Variants in SEC14L1 observed in about 807,000 individuals in gnomAD.
The protein encoded by SEC14L1 is SEC14-like protein 1.
SEC14L1 carries 48 observed loss-of-function variants against 85.3 expected under a neutral mutation model. The observed-to-expected ratio is 0.56, with a 90% confidence interval of 0.45 to 0.72. The LOEUF (loss-of-function observed/expected upper bound fraction) is 0.72. Ranked by LOEUF, SEC14L1 falls within the 30% of genes least tolerant of loss-of-function variation. SEC14L1 has a pLI of 0.00. For missense variants in SEC14L1, 682 were observed against 921.4 expected (o/e 0.74, Z 3.36); for synonymous variants, 391 against 355.5 (o/e 1.10, Z -1.12).
chr17:77,113,083 C>G (rs528447055), intron 3 of SEC14L1, among the ~76,000 whole-genome samples: 2 of 151,894 alleles, frequency 1.3e-5, no homozygotes, highest in South Asian at 4.2e-4. Flanking sequence ...CACTTGAGCC[C>G]AAGAGGTTGA....
chr17:77,140,886 A>AGTT, upstream of SEC14L1: 1 of 117,268 alleles, frequency 8.5e-6, no homozygotes, highest in African/African-American at 3.3e-5. Flanking sequence ...GCGGCCGCGC[A>AGTT]CGCGCGCCCC....
In SEC14L1 at chr17:77,206,455, T is replaced by A; in HGVS notation, c.1341+55T>A. 2 of 1,566,060 alleles carry A rather than the reference T, an allele frequency of 1.3e-6. No homozygotes were observed. Among genetic ancestry groups the A allele is most frequent in the South Asian group, 1.1e-5 (1 of 88,306 alleles). On this transcript the variant is annotated intron_variant, in intron 12 of 16. Coordinates refer to ENST00000436233, the MANE Select transcript of SEC14L1 (RefSeq NM_001143998.2). This position sits in a 1 kb window ranked among gnomAD's most constrained non-coding sequence, Gnocchi z 4.3. ...TGAGCCATTTGGAAAGCAGATAACA[T>A]GCATTCATATACACGTGTCTGTGAC... is the stretch of plus-strand genomic sequence containing the variant.
At chr17:77,108,752 C>T (rs1393456904) in intron 3 of SEC14L1, among the ~76,000 whole-genome samples, 12 of 125,434 alleles carry the variant, frequency 9.6e-5, no homozygotes, top group Non-Finnish European at 4.8e-5. Context: ...AAAAAAGAAA[C>T]AGCTGACATG....
chr17:77,206,598 T>C lies in SEC14L1; in HGVS notation c.1342-130T>C. On this transcript the variant is annotated intron_variant, in intron 12 of 16. Coordinates refer to ENST00000436233, the MANE Select transcript of SEC14L1 (RefSeq NM_001143998.2). This position sits in a 1 kb window ranked among gnomAD's most constrained non-coding sequence, Gnocchi z 4.3. ...GTGTCCTAATGCCATGCAAATAGACTTTACAGAAGAAGTATATAAACTTGA... is the reference window on the plus strand; with the variant it reads ...GTGTCCTAATGCCATGCAAATAGACCTTACAGAAGAAGTATATAAACTTGA... 7 of 1,267,426 alleles carry C rather than the reference T, an allele frequency of 5.5e-6. No individual in the cohort carries two copies. The highest frequency in any genetic ancestry group is 7.7e-6 in the Non-Finnish European group (7 of 912,616). The allele number at this position is 1,267,426 out of a possible 1,614,324, so 78.5% of individuals were successfully genotyped here.
intron 8 of SEC14L1, 41 bp downstream of exon 8, chr17:77,196,352 A>G: frequency 8.5e-7 from 1 of 1,176,380 alleles, no homozygotes; most frequent in Non-Finnish European, 1.2e-6. Context: ...GGCCAGAGCT[A>G]CGTGAAATCA....
chr17:77,136,726 C>G (rs1972810724), upstream of SEC14L1, among the ~76,000 whole-genome samples: 1 of 152,160 alleles, frequency 6.6e-6, no homozygotes, highest in Non-Finnish European at 1.5e-5. Context: ...CTTCTTCACC[C>G]TTTCCTCCGA....
chr17:77,152,410 G>T (rs1186461775), intron 3 of SEC14L1, among the ~76,000 whole-genome samples: 1 of 151,826 alleles, frequency 6.6e-6, no homozygotes, highest in South Asian at 2.1e-4. Context: ...GTGGCAGGCA[G>T]CTGTAATCCC....
At chr17:77,199,911 A>G (rs575071284) in intron 8 of SEC14L1, among the ~76,000 whole-genome samples, 1 of 152,334 alleles carries the variant, frequency 6.6e-6, no homozygotes, top group South Asian at 2.1e-4. Flanking sequence ...GCTCATGCCT[A>G]TAATCCCAAC....
At chr17:77,096,492 G>A (rs988908278) in intron 3 of SEC14L1, among the ~76,000 whole-genome samples, 2 of 151,874 alleles carry the variant, frequency 1.3e-5, no homozygotes, top group African/African-American at 4.8e-5. Flanking sequence ...GGGAGGCAGC[G>A]GTTGCAGTGA....
chr17:77,155,463 G>A (rs545572826), intron 3 of SEC14L1, among the ~76,000 whole-genome samples: 1 of 152,282 alleles, frequency 6.6e-6, no homozygotes, highest in East Asian at 1.9e-4. Flanking sequence ...GGCATCCCTG[G>A]CAGCCTTCCT....
intron 3 of SEC14L1, among the ~76,000 whole-genome samples, chr17:77,134,106 A>G (rs1283927570): frequency 1.3e-5 from 2 of 152,098 alleles, no homozygotes; most frequent in Non-Finnish European, 2.9e-5. Context: ...CTGCGGTCCC[A>G]CCAACCTGCC....
upstream of SEC14L1, chr17:77,140,683 C>G (rs965851340): frequency 6.6e-6 from 1 of 152,156 alleles, no homozygotes; most frequent in South Asian, 2.1e-4. Context: ...CCGCCCCCAA[C>G]AAGTGACGCA....
chr17:77,125,011 T>TATA (rs1430404028), intron 3 of SEC14L1, among the ~76,000 whole-genome samples: 6 of 111,868 alleles, frequency 5.4e-5, no homozygotes, highest in African/African-American at 2.4e-4. Context: ...TTATTATTAT[T>TATA]ATATATTTTT....
At chr17:77,209,585 T>C (rs1389545434) in intron 14 of SEC14L1, 109 bp downstream of exon 14, 1 of 1,206,708 alleles carries the variant, frequency 8.3e-7, no homozygotes, top group African/African-American at 1.5e-5. Flanking sequence ...CTCGTTTTTC[T>C]GCTCTTTGTC....
rs561449851 is a variant in SEC14L1, at chr17:77,103,885, G to A, written c.-136+10538G>A. Among the ~76,000 whole-genome samples, 34 of 150,952 alleles carry A rather than the reference G, an allele frequency of 2.3e-4. No homozygotes were observed. The East Asian group carries it at 5.1e-3, about 22-fold the overall frequency. ...ACCGTGGATCCAGGCGGCACCGGGC[G>A]GGGTCCCAGTGCCACCTGCTTATGA... is the stretch of plus-strand genomic sequence containing the variant. On this transcript the variant is annotated intron_variant, in intron 3 of 19. Transcript: ENST00000392476.
At chr17:77,098,025 C>G (rs1812030530) in intron 3 of SEC14L1, among the ~76,000 whole-genome samples, 1 of 152,098 alleles carries the variant, frequency 6.6e-6, no homozygotes, top group South Asian at 2.1e-4. Context: ...CCCTGGCACA[C>G]AAGCAAAAGG....
intron 3 of SEC14L1, among the ~76,000 whole-genome samples, chr17:77,150,641 C>T (rs886572367): frequency 2.6e-5 from 4 of 152,146 alleles, no homozygotes; most frequent in Non-Finnish European, 4.4e-5. Context: ...CCGTGGAGTG[C>T]GAAATGCCCG....
intron 3 of SEC14L1, chr17:77,093,650 T>C (rs1322151503): frequency 6.6e-6 from 1 of 152,230 alleles, no homozygotes; most frequent in Non-Finnish European, 1.5e-5. Context: ...GGGTTTCTGA[T>C]CCCAGCTCCC....
At chr17:77,175,777 G>C (rs1481487556) in intron 3 of SEC14L1, among the ~76,000 whole-genome samples, 1 of 152,160 alleles carries the variant, frequency 6.6e-6, no homozygotes, top group Non-Finnish European at 1.5e-5. Context: ...CTGGGTCTCG[G>C]CTGTGCCTGT....
Sources: gnomAD v4.1 joint callset for allele counts (sites outside exome capture counted in the v4.1 genomes callset) on GRCh38, gnomAD v4.1.1 for gene constraint, Gnocchi (gnomAD v3.1) non-coding constraint, MANE v1.5 for transcripts, NCBI Gene and HGNC (gene_info 2026-07-23, HGNC 2026-07-21) for gene names.